DSCAM: variants seen among roughly 807,000 people sequenced by gnomAD.
DSCAM encodes cell adhesion molecule DSCAM.
DSCAM carries 47 observed loss-of-function variants against 217.7 expected under a neutral mutation model. That is an observed-to-expected ratio of 0.22 (90% CI 0.17 to 0.28). The LOEUF (loss-of-function observed/expected upper bound fraction) is 0.28. Ranked by LOEUF, DSCAM falls within the 10% of genes least tolerant of loss-of-function variation. The probability of loss-of-function intolerance (pLI) is 1.00; values close to 1 mark genes in which losing one functional copy is unlikely to be tolerated. For synonymous variants in DSCAM, 1,056 were observed against 1,015.3 expected (o/e 1.04, Z -0.76); for missense variants, 2,080 against 2,618.3 (o/e 0.79, Z 4.49).
intron 3 of DSCAM, among the ~76,000 whole-genome samples, chr21:40,528,813 A>G (rs777093308): frequency 2.6e-5 from 4 of 151,808 alleles, no homozygotes; most frequent in African/African-American, 7.3e-5. Context: ...ACAGAGCAGC[A>G]GCCAGCGAGG....
At chr21:40,576,763 T>C (rs1476153408) in intron 3 of DSCAM, among the ~76,000 whole-genome samples, 2 of 151,994 alleles carry the variant, frequency 1.3e-5, no homozygotes, top group Non-Finnish European at 2.9e-5. Flanking sequence ...AATGAAAAGA[T>C]ATAAATGCGC....
chr21:40,369,034 A>C (rs780924961), intron 4 of DSCAM, 65 bp downstream of exon 4: 173 of 1,437,448 alleles, frequency 1.2e-4, no homozygotes, highest in Non-Finnish European at 1.5e-4. Context: ...ATTTTGATTG[A>C]GTCGTCTCAG....
intron 3 of DSCAM, among the ~76,000 whole-genome samples, chr21:40,559,850 T>G (rs1323908716): frequency 6.9e-6 from 1 of 145,514 alleles, no homozygotes; most frequent in African/African-American, 2.5e-5. Flanking sequence ...TGGAGTGCAG[T>G]GGCGCGATCT....
At chr21:40,066,079 C>T (rs1167022518) in intron 27 of DSCAM, among the ~76,000 whole-genome samples, 1 of 152,248 alleles carries the variant, frequency 6.6e-6, no homozygotes, top group Non-Finnish European at 1.5e-5. Flanking sequence ...TGTACCCTCC[C>T]ATGCCCAGTA....
chr21:40,360,311 T>C (rs1289054914), intron 4 of DSCAM, among the ~76,000 whole-genome samples: 2 of 151,802 alleles, frequency 1.3e-5, no homozygotes, highest in South Asian at 2.1e-4. Flanking sequence ...TTTTTTTGTA[T>C]TTTTACTAGA....
At chr21:40,558,684 T>C (rs891580454) in intron 3 of DSCAM, among the ~76,000 whole-genome samples, 1 of 152,236 alleles carries the variant, frequency 6.6e-6, no homozygotes, top group African/African-American at 2.4e-5. Context: ...AGATACACTT[T>C]TCTTTTTTAC....
At chr21:40,730,465 A>G (rs1007832370) in intron 1 of DSCAM, among the ~76,000 whole-genome samples, 2 of 152,222 alleles carry the variant, frequency 1.3e-5, no homozygotes, top group East Asian at 1.9e-4. Flanking sequence ...CAGATTTCCA[A>G]GAGAGAGTGT....
intron 9 of DSCAM, among the ~76,000 whole-genome samples, chr21:40,305,886 G>A (rs1194764718): frequency 1.3e-5 from 2 of 152,174 alleles, no homozygotes; most frequent in Non-Finnish European, 2.9e-5. Flanking sequence ...GATGCCTCCA[G>A]CTTTGTTCTT....
intron 1 of DSCAM, among the ~76,000 whole-genome samples, chr21:40,745,356 C>T (rs892300150): frequency 6.6e-5 from 10 of 152,112 alleles, no homozygotes; most frequent in Non-Finnish European, 1.5e-4. Context: ...CAAGGCACAG[C>T]ATCAAATTAT....
At chr21:40,826,657 T>C (rs576499132) in intron 1 of DSCAM, among the ~76,000 whole-genome samples, 1 of 152,256 alleles carries the variant, frequency 6.6e-6, no homozygotes, top group East Asian at 1.9e-4. Flanking sequence ...GAATACAAGA[T>C]GTGAAGGACA....
At chr21:40,320,800 A>G (rs1285420561) in intron 8 of DSCAM, among the ~76,000 whole-genome samples, 2 of 152,178 alleles carry the variant, frequency 1.3e-5, no homozygotes, top group African/African-American at 4.8e-5. Flanking sequence ...CCATGATTCA[A>G]TTATCTCCCA....
intron 3 of DSCAM, among the ~76,000 whole-genome samples, chr21:40,569,274 A>G (rs2146200603): frequency 6.6e-6 from 1 of 152,290 alleles, no homozygotes; most frequent in Admixed American, 6.5e-5. Context: ...AAACAGTTTT[A>G]TGTATCAACT....
rs1457298849 is a variant in DSCAM, at chr21:40,339,200, C to G, written c.1426G>C (p.Val476Leu). ...CAGCGGTAGACTCCCCCGTCCCGGACCTGGGAGCTGGAGATGTTCAGGTAG... is the reference window on the plus strand; with the variant it reads ...CAGCGGTAGACTCCCCCGTCCCGGAGCTGGGAGCTGGAGATGTTCAGGTAG... ...VSYLNISSSQ[V>L]RDGGVYRCTA... The change falls in exon 7 of 33, where the codon GTC becomes CTC. Residue 476 changes from valine (V) to leucine (L), a missense_variant. Physicochemically the swap from Val to Leu is conservative, Grantham distance 32. Around this residue, in one of 5 missense-constraint regions of DSCAM, gnomAD observed 568 missense variants for 678.1 expected, o/e 0.84. Coordinates refer to ENST00000400454, the MANE Select transcript of DSCAM (RefSeq NM_001389.5). 6.2e-7 allele frequency: 1 copy of G among 1,614,166 alleles called. No homozygotes were observed. Among genetic ancestry groups the G allele is most frequent in the Admixed American group, 1.7e-5 (1 of 60,016 alleles).
intron 11 of DSCAM, among the ~76,000 whole-genome samples, chr21:40,214,492 A>C (rs918583199): frequency 1.3e-5 from 2 of 152,222 alleles, no homozygotes; most frequent in Admixed American, 6.5e-5. Flanking sequence ...GGAAAGATAA[A>C]ATAGTGTGTA....
intron 20 of DSCAM, among the ~76,000 whole-genome samples, chr21:40,114,605 C>G (rs2089944060): frequency 6.6e-6 from 1 of 152,270 alleles, no homozygotes; most frequent in African/African-American, 2.4e-5. Flanking sequence ...GCAAAAGAGA[C>G]TACCATCAGC....
intron 1 of DSCAM, among the ~76,000 whole-genome samples, chr21:40,740,309 T>G (rs989008796): frequency 6.6e-6 from 1 of 152,090 alleles, no homozygotes; most frequent in African/African-American, 2.4e-5. Flanking sequence ...TAAGGGGAGA[T>G]GAGGAGATAG....
chr21:40,209,193 G>A (rs987042969), intron 11 of DSCAM, among the ~76,000 whole-genome samples: 2 of 152,114 alleles, frequency 1.3e-5, no homozygotes, highest in African/African-American at 4.8e-5. Flanking sequence ...ACATGCTTCC[G>A]CCTTGATGAC....
intron 8 of DSCAM, among the ~76,000 whole-genome samples, chr21:40,326,142 T>C (rs933422050): frequency 1.3e-5 from 2 of 152,010 alleles, no homozygotes; most frequent in Non-Finnish European, 2.9e-5. Context: ...GGTGGATGGT[T>C]GAAAAAAGGG....
At chr21:40,113,575 G>T (rs138900072) in intron 20 of DSCAM, among the ~76,000 whole-genome samples, 1 of 152,110 alleles carries the variant, frequency 6.6e-6, no homozygotes, top group African/African-American at 2.4e-5. Flanking sequence ...ATTCAGGCAG[G>T]AGAAGGAAAT....
Sources: gnomAD v4.1 joint callset for allele counts (sites outside exome capture counted in the v4.1 genomes callset) on GRCh38, gnomAD v4.1.1 for gene constraint, gnomAD v4.1.1 regional missense constraint, MANE v1.5 for transcripts, NCBI Gene and HGNC (gene_info 2026-07-23, HGNC 2026-07-21) for gene names.